PGPEP1L: variants seen among roughly 807,000 people sequenced by gnomAD.
PGPEP1L encodes pyroglutamyl-peptidase 1-like protein.
In PGPEP1L, 7 loss-of-function variants were observed where a neutral mutation model predicts 6.0. That is an observed-to-expected ratio of 1.17 (90% CI 0.66 to 2.19). The LOEUF is 2.19. PGPEP1L is among the 30% of genes most tolerant of loss of function. The pLI is 0.00. For synonymous variants in PGPEP1L, 103 were observed against 83.9 expected, an observed-to-expected ratio of 1.23 and a Z score of -1.24; for missense variants, 209 against 192.5, an observed-to-expected ratio of 1.09 and a Z score of -0.51.
chr15:98,992,647 TA>T (rs2017834784), intron 2 of PGPEP1L, among the ~76,000 whole-genome samples: 1 of 152,120 alleles, frequency 6.6e-6, no homozygotes, highest in Admixed American at 6.5e-5. Context: ...AAGACAATCC[TA>T]AGCAAAAAGA....
intron 2 of PGPEP1L, among the ~76,000 whole-genome samples, chr15:98,990,719 C>T (rs1468755422): frequency 6.6e-6 from 1 of 152,166 alleles, no homozygotes; most frequent in African/African-American, 2.4e-5. Flanking sequence ...GGAAGTAAAA[C>T]ACTCCTCAGC....
chr15:99,005,939 T>C (rs1331246305), intron 1 of PGPEP1L, among the ~76,000 whole-genome samples: 1 of 152,116 alleles, frequency 6.6e-6, no homozygotes, highest in African/African-American at 2.4e-5. Flanking sequence ...TTTTCCTCTT[T>C]AGTAATCCCT....
intron 2 of PGPEP1L, among the ~76,000 whole-genome samples, chr15:98,977,962 T>A (rs541704900): frequency 1.3e-5 from 2 of 152,344 alleles, no homozygotes; most frequent in Admixed American, 6.5e-5. Flanking sequence ...TTGTGAGCTC[T>A]AGAACACAGC....
At chr15:99,006,036 G>A (rs1391367098) in intron 1 of PGPEP1L, among the ~76,000 whole-genome samples, 10 of 152,048 alleles carry the variant, frequency 6.6e-5, no homozygotes, top group Non-Finnish European at 1.5e-4. Flanking sequence ...TGTGAGATGT[G>A]AGCAGAAAAA....
In PGPEP1L at chr15:99,005,650, C is replaced by G. The variant is rs1418752799; in HGVS notation, c.-363G>C. 6.6e-6 allele frequency: 1 copy of G among 152,294 alleles called. No homozygotes were observed. The highest frequency in any genetic ancestry group is 2.4e-5 in the African/African-American group (1 of 41,482). The allele number at this position is 152,294 out of a possible 1,614,324, so 9.4% of individuals were successfully genotyped here. ...CGTAGCGTTCTGGGCCCCGAAAGGC[C>G]AAGGATCTAGGGGAGGGTGATAAAG... is the stretch of plus-strand genomic sequence containing the variant. On this transcript the variant is annotated 5_prime_UTR_variant, in exon 2 of 5. Coordinates refer to ENST00000535714, the MANE Select transcript of PGPEP1L (RefSeq NM_001167902.2).
chr15:98,982,752 C>T (rs559375689), intron 2 of PGPEP1L, among the ~76,000 whole-genome samples: 1 of 120,750 alleles, frequency 8.3e-6, no homozygotes, highest in East Asian at 2.4e-4. Flanking sequence ...GCTCTGTTGC[C>T]CAGGCTGGAG....
intron 2 of PGPEP1L, among the ~76,000 whole-genome samples, chr15:98,995,005 A>C (rs1555472364): frequency 6.6e-6 from 1 of 152,072 alleles, no homozygotes; most frequent in Non-Finnish European, 1.5e-5. Flanking sequence ...CTGTAGCTTA[A>C]CTATAATGTG....
At position 98,995,181 on chromosome 15, in the gene PGPEP1L, T is replaced by C. The variant is rs73468223; in HGVS notation, c.-142+10248A>G. On this transcript the variant is annotated intron_variant, in intron 2 of 4. Coordinates refer to ENST00000535714, the MANE Select transcript of PGPEP1L (RefSeq NM_001167902.2). ...TTCTGGAACTCCTACTAAATGTATTTAGAACATCACATTTTATCGTCCACA... is the reference window on the plus strand; with the variant it reads ...TTCTGGAACTCCTACTAAATGTATTCAGAACATCACATTTTATCGTCCACA... Among the ~76,000 whole-genome samples the C allele has an allele frequency of 3.4e-3, 524 of 152,360 alleles. 2 individuals carry two copies. Among genetic ancestry groups the C allele is most frequent in the African/African-American group, 0.012 (506 of 41,586 alleles).
At position 99,004,980 on chromosome 15, in the gene PGPEP1L, G is replaced by A. The variant is rs34603425; in HGVS notation, c.-142+449C>T. ...GGGGACTGTGTGTTCCTTTGCGGGT[G>A]GCTGTTGTAGATGGGTTTGCAAGCC... On this transcript the variant is annotated intron_variant, in intron 2 of 4. Coordinates refer to ENST00000535714, the MANE Select transcript of PGPEP1L (RefSeq NM_001167902.2). Among the ~76,000 whole-genome samples the A allele has an allele frequency of 1.9e-3, 282 of 152,160 alleles. 7 individuals carry two copies. The East Asian group carries it at 0.043, about 23-fold the overall frequency.
intron 2 of PGPEP1L, among the ~76,000 whole-genome samples, chr15:98,972,214 G>A (rs536176940): frequency 1.3e-5 from 2 of 152,118 alleles, no homozygotes; most frequent in Admixed American, 1.3e-4. Context: ...TTAGCCAGAT[G>A]TGGTGGCAAA....
intron 4 of PGPEP1L, among the ~76,000 whole-genome samples, chr15:98,968,980 C>T (rs574230965): frequency 1.3e-5 from 2 of 152,188 alleles, no homozygotes; most frequent in African/African-American, 2.4e-5. Context: ...TTCATGTCTT[C>T]GTTGAGTCAC....
chr15:98,974,878 C>G (rs1330482371), intron 2 of PGPEP1L, among the ~76,000 whole-genome samples: 1 of 152,086 alleles, frequency 6.6e-6, no homozygotes, highest in Non-Finnish European at 1.5e-5. Context: ...GCCTGGGCAA[C>G]AAGAGCGAAA....
chr15:98,970,367 C>T (rs555116214), intron 3 of PGPEP1L, among the ~76,000 whole-genome samples: 1 of 152,122 alleles, frequency 6.6e-6, no homozygotes, highest in Non-Finnish European at 1.5e-5. Flanking sequence ...TTAAATGAAA[C>T]TTTAATAAAG....
At chr15:98,971,249 C>G in intron 2 of PGPEP1L, 91 bp from the exon 3 acceptor site, 2 of 1,424,788 alleles carry the variant, frequency 1.4e-6, no homozygotes, top group East Asian at 2.5e-5. Flanking sequence ...TCCTTGGGGT[C>G]TACTTCCAGG....
At chr15:98,993,097 T>C (rs1555472228) in intron 2 of PGPEP1L, among the ~76,000 whole-genome samples, 2 of 152,064 alleles carry the variant, frequency 1.3e-5, no homozygotes. Context: ...AAAGCCAAAA[T>C]TGACAAATGG....
chr15:98,979,812 G>A lies in PGPEP1L; in HGVS notation c.-141-8654C>T, dbSNP rs2017631504. On this transcript the variant is annotated intron_variant, in intron 2 of 4. Transcript: ENST00000535714. ...CTACAGGCGAGTGCCACCACACCCG[G>A]CTAATTTTTGTATTTTTAGTAGAGA... Among the ~76,000 whole-genome samples the A allele has an allele frequency of 2.0e-5, 3 of 152,018 alleles. No individual in the cohort carries two copies. The South Asian group carries it at 6.2e-4, about 32-fold the overall frequency.
At chr15:98,989,134 T>C (rs2017786681) in intron 2 of PGPEP1L, among the ~76,000 whole-genome samples, 1 of 152,156 alleles carries the variant, frequency 6.6e-6, no homozygotes, top group African/African-American at 2.4e-5. Flanking sequence ...GAGAATGAGT[T>C]TGACGAATTG....
intron 2 of PGPEP1L, among the ~76,000 whole-genome samples, chr15:98,998,805 C>T (rs1555472703): frequency 6.6e-6 from 1 of 152,180 alleles, no homozygotes; most frequent in East Asian, 1.9e-4. Context: ...TGGCGAAACC[C>T]CGTCTCTACT....
intron 1 of PGPEP1L, among the ~76,000 whole-genome samples, 166 bp downstream of exon 1, chr15:99,007,191 CCT>C (rs2018085585): frequency 6.6e-6 from 1 of 152,192 alleles, no homozygotes; most frequent in African/African-American, 2.4e-5. Flanking sequence ...TCTCCCACTC[CCT>C]GTCCTGAGAA....
Sources: allele counts gnomAD v4.1 joint callset (sites outside exome capture counted in the v4.1 genomes callset), GRCh38; gene constraint gnomAD v4.1.1; transcripts MANE v1.5; gene names NCBI Gene and HGNC (gene_info 2026-07-23, HGNC 2026-07-21).